The following FMN2 variants were observed in gnomAD, a reference collection of about 807,000 sequenced individuals.
FMN2 encodes the protein formin 2, also known as formin-2.
Under a neutral mutation model 142.3 loss-of-function variants are expected in FMN2, and 51 were observed. The observed-to-expected ratio is 0.36, with a 90% CI of 0.29 to 0.45. The LOEUF (loss-of-function observed/expected upper bound fraction) is 0.45, where lower values mean the gene tolerates loss of function less well. FMN2 is among the 20% of genes least tolerant of loss of function. The pLI, the probability that FMN2 is intolerant of heterozygous loss-of-function variation, is 1.00. For synonymous variants in FMN2, 882 were observed against 869.8 expected, an observed-to-expected ratio of 1.01 and a Z score of -0.25; for missense variants, 1,936 against 2,122.8, an observed-to-expected ratio of 0.91 and a Z score of 1.73.
chr1:240,194,717 C>T (rs749471377), intron 4 of FMN2, among the ~76,000 whole-genome samples: 2 of 152,148 alleles, frequency 1.3e-5, no homozygotes, highest in South Asian at 2.1e-4. Flanking sequence ...ATTTAAAGAG[C>T]GGTAGGATTA....
chr1:240,452,975 A>T (rs2103212800), intron 16 of FMN2, among the ~76,000 whole-genome samples: 1 of 152,256 alleles, frequency 6.6e-6, no homozygotes, highest in Non-Finnish European at 1.5e-5. Context: ...CTTGTAGGTT[A>T]AAAAGACCTG....
intron 15 of FMN2, among the ~76,000 whole-genome samples, chr1:240,410,172 AAAT>A (rs1674345267): frequency 6.6e-6 from 1 of 152,170 alleles, no homozygotes; most frequent in African/African-American, 2.4e-5. Context: ...GAAAAAAAAA[AAAT>A]AGAAGGTTTA....
chr1:240,305,720 T>C (rs1318681089), intron 8 of FMN2, among the ~76,000 whole-genome samples: 1 of 152,230 alleles, frequency 6.6e-6, no homozygotes, highest in African/African-American at 2.4e-5. Flanking sequence ...GTGTCTATTG[T>C]GTATTTTTAA....
intron 1 of FMN2, among the ~76,000 whole-genome samples, chr1:240,098,174 T>C (rs1041995056): frequency 6.8e-6 from 1 of 148,034 alleles, no homozygotes; most frequent in African/African-American, 2.5e-5. Context: ...TGATCTTGGC[T>C]CACTGCAACC....
chr1:240,458,145 G>A (rs941784893), intron 16 of FMN2: 2 of 152,220 alleles, frequency 1.3e-5, no homozygotes, highest in African/African-American at 4.8e-5. Flanking sequence ...GGGAATTAGG[G>A]TTTTGTTTTT....
rs752388115 is a variant in FMN2 at position 240,329,419 on chromosome 1, G to A, written c.4388G>A (p.Ser1463Asn). The A allele has an allele frequency of 8.7e-6, 14 of 1,613,930 alleles. No individual in the cohort carries two copies. Among genetic ancestry groups the A allele is most frequent in the Non-Finnish European group, 1.2e-5 (14 of 1,179,974 alleles). ...CTGTTCCAGTCCACATTTTCAGAAA[G>A]CATTTGCTCAATTCGTCGCAAACTG... Reference protein sequence around the residue: ...CILFQSTFSESICSIRRKLEL... With the variant: ...CILFQSTFSENICSIRRKLEL... Residue 1463 changes from serine to asparagine, a missense_variant, in exon 10 of 18, where the codon AGC becomes AAC. Ser to Asn is a conservative substitution (Grantham distance 46). Coordinates refer to ENST00000319653, the MANE Select transcript of FMN2 (RefSeq NM_020066.5).
intron 8 of FMN2, among the ~76,000 whole-genome samples, chr1:240,314,906 G>C (rs1449440008): frequency 6.6e-6 from 1 of 152,162 alleles, no homozygotes; most frequent in Admixed American, 6.5e-5. Flanking sequence ...AAGCCTTTTA[G>C]CTTAGTGGAA....
intron 1 of FMN2, among the ~76,000 whole-genome samples, chr1:240,109,695 A>G (rs574350037): frequency 1.3e-5 from 2 of 152,226 alleles, no homozygotes; most frequent in South Asian, 2.1e-4. Context: ...GACACTAGAA[A>G]TATTGAGAAG....
intron 16 of FMN2, among the ~76,000 whole-genome samples, chr1:240,456,526 G>A (rs1397564467): frequency 2.6e-5 from 4 of 152,120 alleles, no homozygotes; most frequent in East Asian, 1.9e-4. Flanking sequence ...GCACGATCTC[G>A]GTTCACCACA....
chr1:240,099,708 A>T (rs111658965), intron 1 of FMN2, among the ~76,000 whole-genome samples: 33 of 152,278 alleles, frequency 2.2e-4, no homozygotes, highest in African/African-American at 7.7e-4. Flanking sequence ...GCATTTGAAA[A>T]GTGCTGATTG....
chr1:240,319,673 C>T (rs1358628099), intron 8 of FMN2, among the ~76,000 whole-genome samples: 6 of 151,444 alleles, frequency 4.0e-5, no homozygotes, highest in South Asian at 2.1e-4. Context: ...AAAGACTGGG[C>T]GAGGGAAGGT....
intron 15 of FMN2, among the ~76,000 whole-genome samples, chr1:240,402,734 A>G (rs1475437562): frequency 6.6e-6 from 1 of 152,216 alleles, no homozygotes; most frequent in Non-Finnish European, 1.5e-5. Flanking sequence ...GAGTCACTTA[A>G]TGTCTATGTC....
intron 8 of FMN2, among the ~76,000 whole-genome samples, chr1:240,328,837 C>T (rs977285576): frequency 9.2e-5 from 14 of 152,232 alleles, no homozygotes; most frequent in African/African-American, 2.2e-4. Context: ...GTGATCCGCC[C>T]GCCTTGGCCT....
intron 1 of FMN2, among the ~76,000 whole-genome samples, chr1:240,122,626 C>A (rs1398047321): frequency 2.0e-5 from 3 of 151,978 alleles, no homozygotes; most frequent in African/African-American, 7.2e-5. Flanking sequence ...CCAATTAAAT[C>A]CAAAAGGGAG....
At chr1:240,329,198 G>A (rs752903796) in intron 9 of FMN2, 31 bp downstream of exon 9, 7 of 1,611,736 alleles carry the variant, frequency 4.3e-6, no homozygotes, top group Non-Finnish European at 5.9e-6. Context: ...CGTAGAGGGC[G>A]TCCAGGCTAT....
chr1:240,299,957 G>A (rs990419796), intron 8 of FMN2, among the ~76,000 whole-genome samples: 2 of 152,184 alleles, frequency 1.3e-5, no homozygotes, highest in Non-Finnish European at 2.9e-5. Context: ...AGGCACATTT[G>A]TGGTGTACCT....
chr1:240,303,342 G>C (rs557133947), intron 8 of FMN2, among the ~76,000 whole-genome samples: 1 of 152,324 alleles, frequency 6.6e-6, no homozygotes, highest in Non-Finnish European at 1.5e-5. Context: ...TTGTGGTACA[G>C]ATCGAGTGAT....
Position 240,114,652 on chromosome 1 carries a change from A to ATTTG in FMN2, c.1616-8524_1616-8523insGTTT, listed in dbSNP as rs749819049. ...AAAATGGTGATTTTCTAATTATATC[A>ATTTG]TTTCTTTTTTTTTTTTTTTTTTGAG... On this transcript the variant is annotated intron_variant, in intron 1 of 17. Transcript: ENST00000319653. 9.4e-5 allele frequency among the ~76,000 whole-genome samples: 13 copies of ATTTG among 137,776 alleles called. 1 individual carries two copies. Among genetic ancestry groups the ATTTG allele is most frequent in the African/African-American group, 8.1e-5 (3 of 36,836 alleles). 90.4% of individuals were successfully genotyped at this position (137,776 alleles called of 152,430 possible).
At chr1:240,190,805 C>T (rs1665667879) in intron 4 of FMN2, among the ~76,000 whole-genome samples, 1 of 152,162 alleles carries the variant, frequency 6.6e-6, no homozygotes, top group African/African-American at 2.4e-5. Flanking sequence ...TGTCCAGATA[C>T]ATTATAGAGG....
Sources: allele counts gnomAD v4.1 joint callset (sites outside exome capture counted in the v4.1 genomes callset), GRCh38; gene constraint gnomAD v4.1.1; transcripts MANE v1.5; gene names NCBI Gene and HGNC (gene_info 2026-07-23, HGNC 2026-07-21).